Variants in TTC27 observed in about 807,000 individuals in gnomAD.
The protein encoded by TTC27 is tetratricopeptide repeat protein 27.
In TTC27, 79 loss-of-function variants were observed where a neutral mutation model predicts 115.9. The ratio of observed to expected loss-of-function variants is 0.68; its 90% CI spans 0.57 to 0.82. TTC27 has a LOEUF of 0.82. Ranked by LOEUF, TTC27 falls within the 40% of genes least tolerant of loss-of-function variation. The pLI, the probability that TTC27 is intolerant of heterozygous loss-of-function variation, is 0.00. For missense variants in TTC27, 1,054 were observed against 993.1 expected, an observed-to-expected ratio of 1.06 and a Z score of -0.82; for synonymous variants, 401 against 356.0, an observed-to-expected ratio of 1.13 and a Z score of -1.42.
chr2:32,706,217 G>A (rs909776808), intron 10 of TTC27, among the ~76,000 whole-genome samples: 47 of 150,908 alleles, frequency 3.1e-4, no homozygotes, highest in African/African-American at 1.1e-3. Context: ...TGAGTAGCTG[G>A]GATTACAGGC....
chr2:32,720,054 C>T (rs1667871731), intron 10 of TTC27, among the ~76,000 whole-genome samples: 1 of 152,258 alleles, frequency 6.6e-6, no homozygotes, highest in South Asian at 2.1e-4. Flanking sequence ...ATCTTCACTT[C>T]TTAGGTAGAC....
At chr2:32,674,729 G>A (rs545804706) in intron 8 of TTC27, among the ~76,000 whole-genome samples, 36 of 150,240 alleles carry the variant, frequency 2.4e-4, no homozygotes, top group African/African-American at 8.6e-4. Context: ...GCGCGATCTC[G>A]GCTCACTGCA....
intron 15 of TTC27, among the ~76,000 whole-genome samples, chr2:32,783,457 G>T (rs759235656): frequency 3.3e-5 from 5 of 152,214 alleles, no homozygotes; most frequent in Non-Finnish European, 5.9e-5. Context: ...TGAAATATAC[G>T]GTGAGAGATA....
intron 10 of TTC27, among the ~76,000 whole-genome samples, chr2:32,724,342 A>G (rs976931096): frequency 6.6e-6 from 1 of 152,118 alleles, no homozygotes; most frequent in African/African-American, 2.4e-5. Context: ...TTGCCTTTTC[A>G]CTGTGTTGAT....
At chr2:32,677,595 G>A (rs776134547) in intron 8 of TTC27, among the ~76,000 whole-genome samples, 4 of 151,646 alleles carry the variant, frequency 2.6e-5, no homozygotes, top group African/African-American at 7.3e-5. Context: ...GACTACAGGC[G>A]TGCGCCACCA....
At chr2:32,765,357 CTTT>C (rs35543003) in intron 13 of TTC27, among the ~76,000 whole-genome samples, 6 of 139,666 alleles carry the variant, frequency 4.3e-5, no homozygotes, top group East Asian at 2.1e-4. Context: ...TGAAAGGAAT[CTTT>C]TTTTTTTTTT....
intron 9 of TTC27, among the ~76,000 whole-genome samples, chr2:32,694,021 C>T (rs755575610): frequency 3.9e-5 from 6 of 152,242 alleles, no homozygotes; most frequent in Middle Eastern, 3.4e-3. Flanking sequence ...TTAGAACCAC[C>T]GTTGTAGAGG....
intron 5 of TTC27, among the ~76,000 whole-genome samples, chr2:32,652,596 T>G (rs1217138428): frequency 6.6e-6 from 1 of 152,164 alleles, no homozygotes; most frequent in Non-Finnish European, 1.5e-5. Flanking sequence ...ACTAAGAATT[T>G]TTTATGTTGC....
Position 32,762,867 on chromosome 2 carries a change from C to A in TTC27, c.1680+4348C>A, listed in dbSNP as rs1669493937. On this transcript the variant is annotated intron_variant, in intron 13 of 19. Coordinates refer to ENST00000317907, the MANE Select transcript of TTC27 (RefSeq NM_017735.5). ...ATGTTGGTCAGGCTGGTCTTGAACT[C>A]CTGACCTTGTGATCCGCCCGCCTCG... Among the ~76,000 whole-genome samples, 4 of 152,240 alleles carry A rather than the reference C, an allele frequency of 2.6e-5. No individual in the cohort carries two copies. The South Asian group carries it at 8.3e-4, about 32-fold the overall frequency.
At chr2:32,698,435 GTTATTA>G (rs372830080) in intron 9 of TTC27, among the ~76,000 whole-genome samples, 9 of 145,434 alleles carry the variant, frequency 6.2e-5, no homozygotes, top group Non-Finnish European at 9.0e-5. Context: ...CAGCCATAAA[GTTATTA>G]TTATTATTAT....
chr2:32,641,049 T>C (rs1236762579), intron 4 of TTC27, among the ~76,000 whole-genome samples: 1 of 152,146 alleles, frequency 6.6e-6, no homozygotes, highest in African/African-American at 2.4e-5. Flanking sequence ...TCACAGTCTT[T>C]TATGAATTTC....
At chr2:32,632,870 G>A (rs1291427012) in intron 2 of TTC27, among the ~76,000 whole-genome samples, 2 of 152,006 alleles carry the variant, frequency 1.3e-5, no homozygotes, top group Non-Finnish European at 2.9e-5. Context: ...CTAACTAAGT[G>A]GCTAAGAATT....
At chr2:32,774,266 C>T (rs1429609032) in intron 13 of TTC27, among the ~76,000 whole-genome samples, 1 of 150,830 alleles carries the variant, frequency 6.6e-6, no homozygotes, top group Non-Finnish European at 1.5e-5. Flanking sequence ...ACTGCAACCT[C>T]CACCTCCCGG....
At chr2:32,768,708 G>T (rs924246291) in intron 13 of TTC27, among the ~76,000 whole-genome samples, 19 of 152,318 alleles carry the variant, frequency 1.2e-4, no homozygotes, top group African/African-American at 4.6e-4. Flanking sequence ...AATATCATGG[G>T]TGAGTTATCA....
At chr2:32,772,572 A>AG (rs1669865439) in intron 13 of TTC27, among the ~76,000 whole-genome samples, 1 of 152,210 alleles carries the variant, frequency 6.6e-6, no homozygotes, top group Admixed American at 6.5e-5. Context: ...TTTTTAAAAA[A>AG]TAAAATCGGC....
At chr2:32,636,181 C>T (rs534057095) in intron 3 of TTC27, among the ~76,000 whole-genome samples, 305 of 152,244 alleles carry the variant, frequency 2.0e-3, no homozygotes, top group African/African-American at 7.0e-3. Context: ...CTCCTGAACA[C>T]TGATGTGTGG....
intron 10 of TTC27, among the ~76,000 whole-genome samples, chr2:32,704,655 A>C (rs986440381): frequency 6.6e-6 from 1 of 152,144 alleles, no homozygotes; most frequent in Admixed American, 6.5e-5. Context: ...TTTCACTGTC[A>C]TGTCCTCTCA....
chr2:32,711,456 A>G (rs550472474), intron 10 of TTC27, among the ~76,000 whole-genome samples: 4 of 152,334 alleles, frequency 2.6e-5, no homozygotes, highest in African/African-American at 9.6e-5. Context: ...ACTTCTGCCA[A>G]TTCCCCTGAT....
chr2:32,632,137 G>T (rs909756968), intron 2 of TTC27, among the ~76,000 whole-genome samples: 2 of 149,160 alleles, frequency 1.3e-5, no homozygotes, highest in Non-Finnish European at 1.5e-5. Context: ...TAGTTTACTG[G>T]TAGTTATGTT....
Sources: allele counts gnomAD v4.1 joint callset (sites outside exome capture counted in the v4.1 genomes callset), GRCh38; gene constraint gnomAD v4.1.1; transcripts MANE v1.5; gene names NCBI Gene and HGNC (gene_info 2026-07-23, HGNC 2026-07-21).